GSK3B: variants seen among roughly 807,000 people sequenced by gnomAD.
GSK3B encodes glycogen synthase kinase 3 beta.
Under a neutral mutation model 56.4 loss-of-function variants are expected in GSK3B, and 15 were observed. The observed-to-expected ratio is 0.27, with a 90% CI of 0.18 to 0.41. GSK3B has a LOEUF of 0.41. Among genes scored for constraint, GSK3B ranks in the 10% least tolerant of loss-of-function variants. The pLI is 1.00. For synonymous variants in GSK3B, 181 were observed against 188.9 expected (o/e 0.96, Z 0.34); for missense variants, 300 against 513.4 (o/e 0.58, Z 4.02).
intron 2 of GSK3B, among the ~76,000 whole-genome samples, chr3:119,961,321 T>C (rs1576231267): frequency 1.3e-5 from 2 of 152,058 alleles, no homozygotes; most frequent in Admixed American, 1.3e-4. Context: ...TCATTGTTGG[T>C]GCATTAAAAG....
chr3:120,061,998 T>G (rs1298562440), intron 1 of GSK3B, among the ~76,000 whole-genome samples: 1 of 152,146 alleles, frequency 6.6e-6, no homozygotes, highest in East Asian at 1.9e-4. Flanking sequence ...TCCCAAAGTG[T>G]TGGGATTACA....
intron 1 of GSK3B, among the ~76,000 whole-genome samples, chr3:120,013,098 T>C (rs910639903): frequency 2.6e-5 from 4 of 152,178 alleles, no homozygotes; most frequent in African/African-American, 9.7e-5. Flanking sequence ...AACAACATTT[T>C]GTAGTCATAT....
chr3:120,059,157 A>AT (rs1316070301), intron 1 of GSK3B, among the ~76,000 whole-genome samples: 4 of 152,270 alleles, frequency 2.6e-5, no homozygotes, highest in African/African-American at 9.6e-5. Context: ...TATTCTCAGT[A>AT]ATTAATGGCT....
intron 2 of GSK3B, among the ~76,000 whole-genome samples, chr3:119,987,889 G>T: frequency 6.6e-6 from 1 of 152,256 alleles, no homozygotes; most frequent in East Asian, 1.9e-4. Context: ...AGTTATGGAA[G>T]ACTCCTATAA....
rs1275256741 is a variant in GSK3B at position 119,947,298 on chromosome 3, C to T, written c.336G>A (p.Leu112=). The change falls in exon 3 of 11, where the codon TTG becomes TTA. Residue 112 remains leucine (L), a synonymous_variant. Coordinates refer to ENST00000264235, the MANE Select transcript of GSK3B (RefSeq NM_001146156.2). ...CACCACTGGAGTAGAAGAAATAACGCAATCGGACTATGTTACAGTGATCTA... is the reference window on the plus strand; with the variant it reads ...CACCACTGGAGTAGAAGAAATAACGTAATCGGACTATGTTACAGTGATCTA... The part of the protein sequence containing the change: ...RKLDHCNIVR[L]RYFFYSSGEK... The T allele has an allele frequency of 3.1e-6, 5 of 1,602,578 alleles. No homozygotes were observed. The highest frequency in any genetic ancestry group is 1.7e-4 in the Middle Eastern group (1 of 6,050).
At chr3:119,879,348 T>C (rs2056352793) in intron 7 of GSK3B, among the ~76,000 whole-genome samples, 2 of 152,020 alleles carry the variant, frequency 1.3e-5, no homozygotes. Context: ...GCCTGGCTAA[T>C]TTTTTCTATT....
chr3:119,934,137 C>A (rs1218372607), intron 3 of GSK3B, among the ~76,000 whole-genome samples: 2 of 152,170 alleles, frequency 1.3e-5, no homozygotes, highest in Admixed American at 1.3e-4. Context: ...ATAATTCCCA[C>A]CTTAGGTGTA....
intron 2 of GSK3B, among the ~76,000 whole-genome samples, chr3:119,998,390 G>A (rs2057644798): frequency 1.3e-5 from 2 of 152,174 alleles, no homozygotes; most frequent in South Asian, 4.1e-4. Context: ...TAGTACACTT[G>A]GGGACAGATA....
At chr3:119,973,769 C>G (rs895630525) in intron 2 of GSK3B, among the ~76,000 whole-genome samples, 4 of 152,046 alleles carry the variant, frequency 2.6e-5, no homozygotes, top group Admixed American at 1.3e-4. Flanking sequence ...AATTTTATCA[C>G]AGAACACATG....
intron 2 of GSK3B, among the ~76,000 whole-genome samples, chr3:119,956,968 G>A (rs1324547729): frequency 1.3e-5 from 2 of 152,186 alleles, no homozygotes; most frequent in Non-Finnish European, 2.9e-5. Flanking sequence ...GTGGCTGTCT[G>A]TTTACAACAA....
intron 2 of GSK3B, among the ~76,000 whole-genome samples, chr3:119,954,227 TAGA>T (rs1418349035): frequency 1.3e-4 from 2 of 14,834 alleles, no homozygotes; most frequent in Non-Finnish European, 3.2e-4. Flanking sequence ...GGAAGGAGAA[TAGA>T]ATAGAATAGA....
At chr3:119,928,037 GA>G (rs1227418927) in intron 3 of GSK3B, among the ~76,000 whole-genome samples, 1 of 152,188 alleles carries the variant, frequency 6.6e-6, no homozygotes, top group African/African-American at 2.4e-5. Flanking sequence ...GATGCTCTTG[GA>G]AAAAGAGGTT....
intron 4 of GSK3B, among the ~76,000 whole-genome samples, chr3:119,917,594 A>C (rs2056793962): frequency 6.6e-6 from 1 of 152,008 alleles, no homozygotes; most frequent in Non-Finnish European, 1.5e-5. Flanking sequence ...TTTACTAAAA[A>C]AAGAGATTTT....
At chr3:119,971,416 A>T (rs1459158478) in intron 2 of GSK3B, among the ~76,000 whole-genome samples, 1 of 152,110 alleles carries the variant, frequency 6.6e-6, no homozygotes, top group East Asian at 1.9e-4. Flanking sequence ...ATGCTCTAGT[A>T]ATAATTTGAT....
chr3:120,045,252 T>C (rs1416573688), intron 1 of GSK3B, among the ~76,000 whole-genome samples: 3 of 152,222 alleles, frequency 2.0e-5, no homozygotes, highest in Non-Finnish European at 4.4e-5. Context: ...TAAGATATAA[T>C]GAATTTCTCT....
chr3:119,960,069 G>A (rs1008320106), intron 2 of GSK3B, among the ~76,000 whole-genome samples: 5 of 146,194 alleles, frequency 3.4e-5, no homozygotes, highest in African/African-American at 1.3e-4. Context: ...TCCATACCAT[G>A]GAATACTACT....
chr3:120,036,194 T>C (rs2058021050), intron 1 of GSK3B, among the ~76,000 whole-genome samples: 1 of 152,226 alleles, frequency 6.6e-6, no homozygotes, highest in Non-Finnish European at 1.5e-5. Flanking sequence ...TTTTAACATA[T>C]CTATAGTCTA....
chr3:119,947,734 G>A (rs2057113896), intron 2 of GSK3B, among the ~76,000 whole-genome samples: 2 of 151,546 alleles, frequency 1.3e-5, no homozygotes, highest in South Asian at 4.2e-4. Context: ...AAAACTGTAA[G>A]AACTGTTACT....
At chr3:120,089,059 A>T (rs2058489448) in intron 1 of GSK3B, among the ~76,000 whole-genome samples, 1 of 152,168 alleles carries the variant, frequency 6.6e-6, no homozygotes. Flanking sequence ...ATTATCTCAC[A>T]CCTGCAACTC....
Sources: gnomAD v4.1 joint callset for allele counts (sites outside exome capture counted in the v4.1 genomes callset) on GRCh38, gnomAD v4.1.1 for gene constraint, MANE v1.5 for transcripts, NCBI Gene and HGNC (gene_info 2026-07-23, HGNC 2026-07-21) for gene names.